RELN: variants seen among roughly 807,000 people sequenced by gnomAD.
The protein encoded by RELN is reelin.
Under a neutral mutation model 427.6 loss-of-function variants are expected in RELN, and 108 were observed. The ratio of observed to expected loss-of-function variants is 0.25; its 90% confidence interval spans 0.22 to 0.30. The LOEUF (loss-of-function observed/expected upper bound fraction) is 0.30. Ranked by LOEUF, RELN falls within the 10% of genes least tolerant of loss-of-function variation. RELN has a pLI of 1.00. For synonymous variants in RELN, 1,524 were observed against 1,513.4 expected, an observed-to-expected ratio of 1.01 and a Z score of -0.16; for missense variants, 3,715 against 4,302.8, an observed-to-expected ratio of 0.86 and a Z score of 3.82.
chr7:103,570,213 G>A (rs1018264750), intron 31 of RELN, among the ~76,000 whole-genome samples: 10 of 152,174 alleles, frequency 6.6e-5, no homozygotes, highest in Non-Finnish European at 1.5e-4. Context: ...AATAGCACTT[G>A]TAAACAGAAG....
chr7:103,900,613 T>C (rs1259881931), intron 2 of RELN, among the ~76,000 whole-genome samples: 1 of 150,976 alleles, frequency 6.6e-6, no homozygotes, highest in Non-Finnish European at 1.5e-5. Flanking sequence ...CCAGATGGGG[T>C]TTTCTAAATA....
chr7:103,649,957 T>C (rs928880286), intron 16 of RELN, among the ~76,000 whole-genome samples: 4 of 152,056 alleles, frequency 2.6e-5, no homozygotes, highest in Admixed American at 6.6e-5. Flanking sequence ...GTTAATTTTA[T>C]ACAACATTCA....
intron 2 of RELN, among the ~76,000 whole-genome samples, chr7:103,905,297 T>C (rs970421614): frequency 5.9e-5 from 9 of 152,236 alleles, no homozygotes; most frequent in Non-Finnish European, 1.0e-4. Context: ...CTTAATTCTA[T>C]AGAAGATACT....
At chr7:103,888,288 A>G (rs1371074244) in intron 2 of RELN, among the ~76,000 whole-genome samples, 2 of 151,944 alleles carry the variant, frequency 1.3e-5, no homozygotes, top group African/African-American at 4.8e-5. Flanking sequence ...TCAAGTAAGT[A>G]TTTATGAAGT....
At chr7:103,757,300 A>C (rs1584468991) in intron 4 of RELN, among the ~76,000 whole-genome samples, 1 of 152,146 alleles carries the variant, frequency 6.6e-6, no homozygotes, top group Non-Finnish European at 1.5e-5. Context: ...CATATCTCCA[A>C]GTCTACCTTT....
At chr7:103,867,160 G>A (rs1320803786) in intron 2 of RELN, among the ~76,000 whole-genome samples, 1 of 152,034 alleles carries the variant, frequency 6.6e-6, no homozygotes. Flanking sequence ...TTTACCTGAA[G>A]CAATTTAACT....
At chr7:103,545,687 G>A (rs1476109328) in intron 41 of RELN, among the ~76,000 whole-genome samples, 1 of 151,704 alleles carries the variant, frequency 6.6e-6, no homozygotes, top group African/African-American at 2.4e-5. Context: ...TGTCCCCCAG[G>A]CTGGAGTGCA....
intron 1 of RELN, among the ~76,000 whole-genome samples, chr7:103,974,220 A>G: frequency 6.6e-6 from 1 of 152,354 alleles, no homozygotes; most frequent in East Asian, 1.9e-4. Flanking sequence ...CATATGCAAT[A>G]ACTCACTGAA....
chr7:103,915,714 T>C (rs188904367), intron 2 of RELN, among the ~76,000 whole-genome samples: 73 of 152,266 alleles, frequency 4.8e-4, no homozygotes, highest in African/African-American at 1.7e-3. Flanking sequence ...AAGGTCTTAT[T>C]CCAAATATTG....
intron 1 of RELN, among the ~76,000 whole-genome samples, chr7:103,972,078 TAAGTA>T (rs1365535180): frequency 3.3e-5 from 5 of 152,022 alleles, no homozygotes; most frequent in African/African-American, 1.2e-4. Context: ...CTCTCAAAAA[TAAGTA>T]AATAGATAAA....
chr7:103,536,137 A>G (rs1021526676), intron 45 of RELN, among the ~76,000 whole-genome samples: 1 of 152,142 alleles, frequency 6.6e-6, no homozygotes, highest in African/African-American at 2.4e-5. Flanking sequence ...TTCTGCTTAT[A>G]TATCTTGCTC....
At chr7:103,682,336 T>C in intron 10 of RELN, 75 bp from the exon 11 acceptor site, 1 of 1,507,030 alleles carries the variant, frequency 6.6e-7, no homozygotes, top group Non-Finnish European at 9.2e-7. Context: ...CATGTATAAT[T>C]AGAGTTTTTA....
intron 2 of RELN, among the ~76,000 whole-genome samples, chr7:103,838,584 G>A (rs1793472163): frequency 6.6e-6 from 1 of 152,166 alleles, no homozygotes; most frequent in Admixed American, 6.5e-5. Flanking sequence ...TGACTCAGGA[G>A]CTGCCACTCC....
chr7:103,666,142 G>A (rs10258991), intron 11 of RELN, among the ~76,000 whole-genome samples: 47,089 of 151,714 alleles, frequency 0.31, 7,457 homozygotes, highest in Middle Eastern at 0.38. Context: ...ATGGCTCATG[G>A]TAGCCTTAAC....
intron 51 of RELN, among the ~76,000 whole-genome samples, chr7:103,508,033 C>T (rs1829273512): frequency 6.6e-6 from 1 of 152,160 alleles, no homozygotes; most frequent in South Asian, 2.1e-4. Flanking sequence ...GAAATTGAGG[C>T]AGTAATTAAT....
chr7:103,671,138 T>C (rs946321426), intron 11 of RELN, among the ~76,000 whole-genome samples: 5 of 152,248 alleles, frequency 3.3e-5, no homozygotes, highest in Admixed American at 6.5e-5. Flanking sequence ...TTCATGAGGT[T>C]TATCTCTAGT....
intron 19 of RELN, 109 bp downstream of exon 19, chr7:103,635,316 C>A: frequency 8.3e-7 from 1 of 1,199,470 alleles, no homozygotes; most frequent in Non-Finnish European, 1.2e-6. Context: ...TCTTTGTGCG[C>A]TCCATCTGTC....
chr7:103,908,952 C>A (rs73183749), intron 2 of RELN, among the ~76,000 whole-genome samples: 16,650 of 152,204 alleles, frequency 0.11, 1,096 homozygotes, highest in South Asian at 0.18. Flanking sequence ...AATAAAACAT[C>A]ATGCCTTTGA....
Position 103,630,085 on chromosome 7 carries a change from C to T in RELN, c.2557G>A (p.Val853Ile), listed in dbSNP as rs1832418242. The change falls in exon 20 of 65, where the codon GTA becomes ATA. Residue 853 changes from valine (V) to isoleucine (I), a missense_variant. By Grantham distance (29) the Val-to-Ile change is conservative. This residue lies in a region of RELN where 2,208 missense variants were observed against 2,361.7 expected (regional missense o/e 0.93). Coordinates refer to ENST00000428762, the MANE Select transcript of RELN (RefSeq NM_005045.4). ...ATGATAATCTCATCAATAGCCCATA[C>T]ATCTTCTCTCTGGGAAGAATGATAC... ...QPYHSSQRED[V>I]WAIDEIIMTS... The T allele has an allele frequency of 1.9e-6, 3 of 1,613,448 alleles. No homozygotes were observed. Among genetic ancestry groups the T allele is most frequent in the Middle Eastern group, 1.6e-4 (1 of 6,062 alleles).
Sources: gnomAD v4.1 joint callset for allele counts (sites outside exome capture counted in the v4.1 genomes callset) on GRCh38, gnomAD v4.1.1 for gene constraint, gnomAD v4.1.1 regional missense constraint, MANE v1.5 for transcripts, NCBI Gene and HGNC (gene_info 2026-07-23, HGNC 2026-07-21) for gene names.